AKR1E2: variants seen among roughly 807,000 people sequenced by gnomAD.
AKR1E2 encodes the protein aldo-keto reductase family 1 member E2, also known as 1,5-anhydro-D-fructose reductase.
Under a neutral mutation model 41.9 loss-of-function variants are expected in AKR1E2, and 43 were observed. The ratio of observed to expected loss-of-function variants is 1.03; its 90% CI spans 0.80 to 1.32. The LOEUF (loss-of-function observed/expected upper bound fraction) is 1.32, where lower values mean the gene tolerates loss of function less well. Ranked by LOEUF, AKR1E2 falls within the 40% of genes most tolerant of loss-of-function variation. The pLI, the probability that AKR1E2 is intolerant of heterozygous loss-of-function variation, is 0.00. For synonymous variants in AKR1E2, 121 were observed against 138.9 expected (o/e 0.87, Z 0.91); for missense variants, 423 against 396.5 (o/e 1.07, Z -0.57).
intron 4 of AKR1E2, among the ~76,000 whole-genome samples, chr10:4,837,142 C>T (rs952862889): frequency 1.1e-4 from 16 of 152,164 alleles, no homozygotes; most frequent in South Asian, 6.2e-4. Flanking sequence ...GAGTACTGGA[C>T]GCCAGCCTTA....
the AKR1E2 span, among the ~76,000 whole-genome samples, chr10:4,865,270 A>T: frequency 3.9e-5 from 6 of 152,218 alleles, no homozygotes; most frequent in Admixed American, 3.3e-4. Flanking sequence ...TGAAAAATTT[A>T]AAAAGATGGT....
chr10:4,865,029 A>G, the AKR1E2 span, among the ~76,000 whole-genome samples: 3 of 152,374 alleles, frequency 2.0e-5, no homozygotes, highest in Middle Eastern at 3.4e-3. Context: ...AAAATTAGAA[A>G]GGAATATAGA....
At chr10:4,841,981 T>A in intron 7 of AKR1E2, 124 bp downstream of exon 7, 1 of 756,372 alleles carries the variant, frequency 1.3e-6, no homozygotes, top group Non-Finnish European at 2.1e-6. Context: ...CATGACTCAT[T>A]AGAACCTCCC....
At chr10:4,872,280 C>A in the AKR1E2 span, among the ~76,000 whole-genome samples, 1 of 152,012 alleles carries the variant, frequency 6.6e-6, no homozygotes, top group Admixed American at 6.6e-5. Context: ...AATGCTTAGT[C>A]TGATTTAATA....
At chr10:4,841,716 CTTCT>C in intron 6 of AKR1E2, 65 bp from the exon 7 acceptor site, 1 of 1,203,120 alleles carries the variant, frequency 8.3e-7, no homozygotes, top group South Asian at 1.8e-5. Flanking sequence ...ACAAAGATTT[CTTCT>C]TTCTAAAGAA....
the AKR1E2 span, among the ~76,000 whole-genome samples, chr10:4,870,142 A>G: frequency 6.6e-6 from 1 of 152,084 alleles, no homozygotes; most frequent in East Asian, 1.9e-4. Context: ...CATACACACA[A>G]TTATCACAGT....
At chr10:4,838,530 A>G (rs1833617204) in intron 5 of AKR1E2, among the ~76,000 whole-genome samples, 1 of 152,218 alleles carries the variant, frequency 6.6e-6, no homozygotes, top group African/African-American at 2.4e-5. Flanking sequence ...GCTTTTTAAA[A>G]AAGTTCTGTA....
chr10:4,826,486 G>A, intron 1 of AKR1E2, 123 bp downstream of exon 1: 1 of 911,230 alleles, frequency 1.1e-6, no homozygotes, highest in Non-Finnish European at 1.4e-6. Flanking sequence ...CCTGGCCGAC[G>A]CCCGGGAAAG....
At chr10:4,871,776 A>G in the AKR1E2 span, 1 of 152,200 alleles carries the variant, frequency 6.6e-6, no homozygotes, top group Non-Finnish European at 1.5e-5. Context: ...GTCTTAGGCC[A>G]ACTTGTGACT....
intron 4 of AKR1E2, 78 bp downstream of exon 4, chr10:4,835,887 G>A: frequency 6.4e-7 from 1 of 1,558,136 alleles, no homozygotes; most frequent in Non-Finnish European, 8.7e-7. Flanking sequence ...TGAGCTGCTT[G>A]TGTTCAAAGA....
At chr10:4,872,777 A>G in the AKR1E2 span, among the ~76,000 whole-genome samples, 4 of 152,246 alleles carry the variant, frequency 2.6e-5, no homozygotes, top group African/African-American at 9.6e-5. Context: ...ATAAACTAGT[A>G]AAATATATGG....
Position 4,837,449 on chromosome 10 carries a change from T to G in AKR1E2, c.460-10T>G. 1 of 1,606,516 alleles carries G rather than the reference T, an allele frequency of 6.2e-7. No homozygotes were observed. The highest frequency in any genetic ancestry group is 8.5e-7 in the Non-Finnish European group (1 of 1,175,578). Reference sequence around the variant, plus strand: ...GAAGCTTCACACCCAGCAGAGTCGTTCTCTTATAGGCCATGGAGGACCTGG... The same window carrying G: ...GAAGCTTCACACCCAGCAGAGTCGTGCTCTTATAGGCCATGGAGGACCTGG... On this transcript the variant is annotated splice_polypyrimidine_tract_variant and intron_variant, in intron 4 of 9. Transcript: ENST00000298375.
chr10:4,871,437 T>G, the AKR1E2 span, among the ~76,000 whole-genome samples: 1 of 152,172 alleles, frequency 6.6e-6, no homozygotes, highest in Non-Finnish European at 1.5e-5. Flanking sequence ...ATTTATAATA[T>G]CTAATATATT....
rs2961597 is a variant in AKR1E2 at position 4,847,333 on chromosome 10, T to C, written c.920+103T>C. The C allele has an allele frequency of 0.92, 1,437,089 of 1,567,978 alleles. 663,358 individuals are homozygous for C. The highest frequency in any genetic ancestry group is 0.94 in the Non-Finnish European group (1,085,136 of 1,153,448). Reference sequence around the variant, plus strand: ...CATACACATTTTAGATTAATTAAACTTTCTCATTATAATTCTTTCCTGTTT... The same window carrying C: ...CATACACATTTTAGATTAATTAAACCTTCTCATTATAATTCTTTCCTGTTT... On this transcript the variant is annotated intron_variant, in intron 9 of 9. Transcript: ENST00000298375.
the AKR1E2 span, among the ~76,000 whole-genome samples, chr10:4,866,194 AC>A: frequency 6.6e-6 from 1 of 152,194 alleles, no homozygotes; most frequent in Non-Finnish European, 1.5e-5. Context: ...GTGCTCTGAG[AC>A]AGATTTTATG....
intron 2 of AKR1E2, among the ~76,000 whole-genome samples, 189 bp downstream of exon 2, chr10:4,831,031 A>T (rs1411874920): frequency 6.6e-6 from 1 of 152,212 alleles, no homozygotes; most frequent in Non-Finnish European, 1.5e-5. Flanking sequence ...TTACTTGGTC[A>T]TTCAGGTAGG....
intron 4 of AKR1E2, among the ~76,000 whole-genome samples, chr10:4,836,628 G>A (rs1054764464): frequency 1.5e-4 from 23 of 152,218 alleles, no homozygotes; most frequent in Non-Finnish European, 8.8e-5. Flanking sequence ...AGGAGTCCCA[G>A]GCTAGGCTCC....
intron 4 of AKR1E2, among the ~76,000 whole-genome samples, chr10:4,836,623 T>A (rs1333194668): frequency 6.6e-6 from 1 of 151,244 alleles, no homozygotes. Context: ...CAGGGAGGAG[T>A]CCCAGGCTAG....
chr10:4,871,610 C>T, the AKR1E2 span, among the ~76,000 whole-genome samples: 1 of 151,926 alleles, frequency 6.6e-6, no homozygotes, highest in East Asian at 1.9e-4. Context: ...AGCATTTTAG[C>T]CTCAGTGAGA....
Sources: gnomAD v4.1 joint callset for allele counts (sites outside exome capture counted in the v4.1 genomes callset) on GRCh38, gnomAD v4.1.1 for gene constraint, MANE v1.5 for transcripts, NCBI Gene and HGNC (gene_info 2026-07-23, HGNC 2026-07-21) for gene names.